Variants in FAM98A observed in about 807,000 individuals in gnomAD.
FAM98A encodes tRNA splicing ligase complex subunit 3A.
A neutral mutation model predicts 62.9 loss-of-function variants in FAM98A; 25 were observed. That is an observed-to-expected ratio of 0.40 (90% confidence interval 0.29 to 0.56). The LOEUF (loss-of-function observed/expected upper bound fraction) is 0.56, where lower values mean the gene tolerates loss of function less well. Among genes scored for constraint, FAM98A ranks in the 20% least tolerant of loss-of-function variants. FAM98A has a pLI of 0.51. For missense variants in FAM98A, 653 were observed against 640.7 expected (o/e 1.02, Z -0.21); for synonymous variants, 252 against 228.6 (o/e 1.10, Z -0.92).
chr2:33,588,691 G>A, intron 3 of FAM98A, 172 bp from the exon 4 acceptor site: 1 of 443,556 alleles, frequency 2.3e-6, no homozygotes, highest in Non-Finnish European at 4.0e-6. Flanking sequence ...AAATAAACTG[G>A]TTATGTAATT....
At position 33,586,497 on chromosome 2, in the gene FAM98A, AT is replaced by A. The variant is rs570182380; in HGVS notation, c.720+64del. The A allele has an allele frequency of 4.5e-4, 482 of 1,080,304 alleles. 3 individuals are homozygous for A. The African/African-American group carries it at 6.3e-3, about 14-fold the overall frequency. The allele number at this position is 1,080,304 out of a possible 1,614,324, so 66.9% of individuals were successfully genotyped here. On this transcript the variant is annotated intron_variant, in intron 6 of 7. Coordinates refer to ENST00000238823, the MANE Select transcript of FAM98A (RefSeq NM_015475.5). Reference sequence around the variant, plus strand: ...TCTCCCATAGTTGCCAAGTAGCTAAATTGTTTAGATGTTCAGGGATCATGTC... The same window carrying A: ...TCTCCCATAGTTGCCAAGTAGCTAAATGTTTAGATGTTCAGGGATCATGTC...
At chr2:33,598,344 C>T (rs955978033) in intron 1 of FAM98A, among the ~76,000 whole-genome samples, 2 of 152,184 alleles carry the variant, frequency 1.3e-5, no homozygotes, top group Non-Finnish European at 2.9e-5. Flanking sequence ...CAATTTGTTT[C>T]TGGAACCACA....
At chr2:33,596,847 G>C (rs934245852) in intron 1 of FAM98A, among the ~76,000 whole-genome samples, 1 of 136,266 alleles carries the variant, frequency 7.3e-6, no homozygotes, top group Admixed American at 8.2e-5. Flanking sequence ...AGCCGAGATC[G>C]CACTACTGCA....
intron 1 of FAM98A, among the ~76,000 whole-genome samples, chr2:33,598,670 G>T (rs777162268): frequency 1.2e-4 from 19 of 152,132 alleles, no homozygotes; most frequent in South Asian, 6.2e-4. Flanking sequence ...CCATACAAGT[G>T]GCTTAGCGAA....
In FAM98A at chr2:33,595,639, T is replaced by C; in HGVS notation, c.54-2A>G. ...TCTTCCAACAATGGGCCCTTGTAAC[T>C]GGTGAGCAAGAAATTACATTTCAGA... is the stretch of plus-strand genomic sequence containing the variant. On this transcript the variant is annotated splice_acceptor_variant, in intron 1 of 7. Coordinates refer to ENST00000238823, the MANE Select transcript of FAM98A (RefSeq NM_015475.5). LOFTEE classifies it high-confidence loss of function. The C allele has an allele frequency of 6.4e-7, 1 of 1,567,448 alleles. No homozygotes were observed. The highest frequency in any genetic ancestry group is 8.6e-7 in the Non-Finnish European group (1 of 1,164,460).
At chr2:33,592,588 T>G (rs1188261507) in intron 2 of FAM98A, among the ~76,000 whole-genome samples, 1 of 152,182 alleles carries the variant, frequency 6.6e-6, no homozygotes, top group Admixed American at 6.5e-5. Flanking sequence ...TAGGTTAGTG[T>G]CAAACTCCTG....
intron 6 of FAM98A, 61 bp from the exon 7 acceptor site, chr2:33,585,758 T>C: frequency 1.4e-6 from 2 of 1,475,702 alleles, no homozygotes; most frequent in Non-Finnish European, 9.3e-7. Flanking sequence ...AAGAAACACA[T>C]ATTAAATAAG....
At chr2:33,592,297 G>T in intron 2 of FAM98A, 83 bp from the exon 3 acceptor site, 1 of 1,111,278 alleles carries the variant, frequency 9.0e-7, no homozygotes, top group Non-Finnish European at 1.3e-6. Context: ...AATTGAAATT[G>T]TTAATAGGAT....
At chr2:33,587,575 T>A (rs1677584632) in intron 4 of FAM98A, 1 of 446,286 alleles carries the variant, frequency 2.2e-6, no homozygotes, top group Non-Finnish European at 4.1e-6. Flanking sequence ...ATTTGCTGAA[T>A]GGATGAATGA....
At chr2:33,586,454 G>GT in intron 6 of FAM98A, 108 bp downstream of exon 6, 1 of 661,436 alleles carries the variant, frequency 1.5e-6, no homozygotes, top group South Asian at 2.3e-5. Context: ...AAATCCCTAT[G>GT]TGTGTCTTCT....
At chr2:33,587,357 A>G (rs1299012933) in intron 4 of FAM98A, 37 bp from the exon 5 acceptor site, 5 of 1,461,762 alleles carry the variant, frequency 3.4e-6, no homozygotes, top group African/African-American at 1.4e-5. Context: ...TAAAAACTCT[A>G]AAAGTAAAAC....
chr2:33,585,512 T>A lies in FAM98A; in HGVS notation c.888+18A>T. ...AGAAATAAATGCATTTGGAAAAAAT[T>A]AAAGGTACTCTAATCACCTTATTGA... On this transcript the variant is annotated intron_variant, in intron 7 of 7. Transcript: ENST00000238823. 1 of 1,613,962 alleles carries A rather than the reference T, an allele frequency of 6.2e-7. No individual in the cohort carries two copies. The highest frequency in any genetic ancestry group is 8.5e-7 in the Non-Finnish European group (1 of 1,179,916).
intron 1 of FAM98A, among the ~76,000 whole-genome samples, chr2:33,596,004 A>G (rs1204670689): frequency 1.3e-5 from 2 of 152,196 alleles, no homozygotes; most frequent in African/African-American, 4.8e-5. Context: ...AGCTAATTAT[A>G]CTGTAACTTA....
At chr2:33,594,592 C>T (rs1437404344) in intron 2 of FAM98A, among the ~76,000 whole-genome samples, 2 of 137,010 alleles carry the variant, frequency 1.5e-5, no homozygotes, top group Admixed American at 1.5e-4. Flanking sequence ...CACACACACA[C>T]ACACACACAT....
intron 2 of FAM98A, among the ~76,000 whole-genome samples, chr2:33,594,684 CATATATATACACATATATATAT>C (rs753840753): frequency 0.1 from 1,941 of 19,286 alleles, 392 homozygotes; most frequent in Admixed American, 0.14. Context: ...TATATACACA[CATATATATACACATATATATAT>C]ACACACACAC....
chr2:33,589,589 C>G (rs1322504450), intron 3 of FAM98A: 1 of 152,134 alleles, frequency 6.6e-6, no homozygotes, highest in South Asian at 2.1e-4. Flanking sequence ...GAAAGGCTGC[C>G]AACTCCTGTT....
chr2:33,586,906 T>C (rs1677569841), intron 5 of FAM98A: 2 of 537,872 alleles, frequency 3.7e-6, no homozygotes, highest in Non-Finnish European at 6.6e-6. Context: ...TTATTTATCT[T>C]TCCCATAATT....
chr2:33,585,377 A>G lies in FAM98A; in HGVS notation c.956T>C (p.Met319Thr). 3.7e-6 allele frequency: 6 copies of G among 1,614,142 alleles called. No individual in the cohort carries two copies. Among genetic ancestry groups the G allele is most frequent in the Non-Finnish European group, 5.1e-6 (6 of 1,180,026 alleles). The change falls in exon 8 of 8, where the codon ATG becomes ACG. Residue 319 changes from methionine (M) to threonine (T), a missense_variant. By Grantham distance (81) the Met-to-Thr change is moderately conservative. Transcript: ENST00000238823. ...PNEIEPPPPE[M>T]PPWQKRQDGP... ...ATCTTGCCTCTTCTGCCACGGTGGC[A>G]TCTCTGGGGGTGGAGGTTCGATTTC...
rs1240478519 is a variant in FAM98A, at chr2:33,599,285, C to A, written c.-64G>T. On this transcript the variant is annotated 5_prime_UTR_variant, in exon 1 of 8. The change creates a premature stop within an existing upstream ORF in the 5' untranslated region. Transcript: ENST00000238823. ...CCTCTTCGCCGGCAACGCGTACACT[C>A]GCGCATGCGCGACTTCCCCGGAACT... 7.4e-7 allele frequency: 1 copy of A among 1,358,140 alleles called. No homozygotes were observed. The highest frequency in any genetic ancestry group is 1.2e-5 in the South Asian group (1 of 86,140). The allele number at this position is 1,358,140 out of a possible 1,614,324, so 84.1% of individuals were successfully genotyped here.
Sources: gnomAD v4.1 joint callset for allele counts (sites outside exome capture counted in the v4.1 genomes callset) on GRCh38, gnomAD v4.1.1 for gene constraint, MANE v1.5 for transcripts, NCBI Gene and HGNC (gene_info 2026-07-23, HGNC 2026-07-21) for gene names.